Variants in TESC observed in about 807,000 individuals in gnomAD.
The protein encoded by TESC is calcineurin B homologous protein 3.
TESC carries 19 observed loss-of-function variants against 31.0 expected under a neutral mutation model. That is an observed-to-expected ratio of 0.61 (90% CI 0.43 to 0.90). The LOEUF is 0.90. Among genes scored for constraint, TESC ranks in the 40% least tolerant of loss-of-function variants. The pLI, the probability that TESC is intolerant of heterozygous loss-of-function variation, is 0.00. For synonymous variants in TESC, 109 were observed against 114.8 expected (o/e 0.95, Z 0.32); for missense variants, 248 against 303.8 (o/e 0.82, Z 1.36).
intron 4 of TESC, among the ~76,000 whole-genome samples, chr12:117,047,310 C>T (rs1430534805): frequency 6.6e-6 from 1 of 152,228 alleles, no homozygotes; most frequent in Non-Finnish European, 1.5e-5. Flanking sequence ...ACATGGGCAG[C>T]CCCAGGCCTG....
chr12:117,044,908 A>G (rs1954534938), intron 6 of TESC, among the ~76,000 whole-genome samples: 1 of 128,668 alleles, frequency 7.8e-6, no homozygotes, highest in African/African-American at 3.2e-5. Flanking sequence ...GGAAAAAAAG[A>G]AAAAAAAGAG....
chr12:117,094,251 G>A (rs915867539), intron 1 of TESC, among the ~76,000 whole-genome samples: 1 of 152,234 alleles, frequency 6.6e-6, no homozygotes, highest in Non-Finnish European at 1.5e-5. Flanking sequence ...CAGGCAGGGA[G>A]AAGGAAGGTG....
At position 117,065,956 on chromosome 12, in the gene TESC, CAA is replaced by C. The variant is rs544905650; in HGVS notation, c.129-9072_129-9071del. Among the ~76,000 whole-genome samples the C allele has an allele frequency of 3.3e-3, 508 of 152,178 alleles. 4 individuals are homozygous for C. The highest frequency in any genetic ancestry group is 0.012 in the African/African-American group (484 of 41,502). On this transcript the variant is annotated intron_variant, in intron 2 of 7. Transcript: ENST00000335209. ...TTTATTTCAAGGACAAAAGGAAACCCAAGTCATCACTAGGGCAAAGGCAAACC... is the reference window on the plus strand; with the variant it reads ...TTTATTTCAAGGACAAAAGGAAACCCGTCATCACTAGGGCAAAGGCAAACC...
At position 117,075,184 on chromosome 12, in the gene TESC, G is replaced by T. The variant is rs189036402; in HGVS notation, c.128+87C>A. 4,278 of 1,319,526 alleles carry T rather than the reference G, an allele frequency of 3.2e-3. 9 individuals are homozygous for T. The highest frequency in any genetic ancestry group is 4.2e-3 in the Non-Finnish European group (3,992 of 947,276). The allele number at this position is 1,319,526 out of a possible 1,614,324, so 81.7% of individuals were successfully genotyped here. On this transcript the variant is annotated intron_variant, in intron 2 of 7. Coordinates refer to ENST00000335209, the MANE Select transcript of TESC (RefSeq NM_017899.4). ...AAATAAAAAGAAAACAACTACCCCCGCTACTCAGCACTCAAGAAAAGAAAC... is the reference window on the plus strand; with the variant it reads ...AAATAAAAAGAAAACAACTACCCCCTCTACTCAGCACTCAAGAAAAGAAAC...
chr12:117,044,384 C>A (rs1244011188), intron 6 of TESC, among the ~76,000 whole-genome samples: 1 of 152,238 alleles, frequency 6.6e-6, no homozygotes, highest in Non-Finnish European at 1.5e-5. Context: ...CTCACGGGCA[C>A]AGTGGCTGCC....
chr12:117,055,990 G>A (rs1374086959), intron 3 of TESC, among the ~76,000 whole-genome samples: 2 of 144,618 alleles, frequency 1.4e-5, no homozygotes, highest in Admixed American at 7.0e-5. Context: ...GCATAATCTC[G>A]GCTCACTGCA....
At chr12:117,068,691 C>T (rs1272534523) in intron 2 of TESC, among the ~76,000 whole-genome samples, 1 of 152,068 alleles carries the variant, frequency 6.6e-6, no homozygotes, top group African/African-American at 2.4e-5. Context: ...TCCCTGTGTA[C>T]GTCTGTGGTT....
intron 7 of TESC, among the ~76,000 whole-genome samples, chr12:117,041,463 G>C (rs924099721): frequency 1.3e-5 from 2 of 152,120 alleles, no homozygotes; most frequent in Non-Finnish European, 2.9e-5. Context: ...CTCCCGAGTA[G>C]CTGGGATTAC....
intron 7 of TESC, 113 bp from the exon 8 acceptor site, chr12:117,039,323 G>A (rs1247420187): frequency 1.9e-6 from 2 of 1,028,084 alleles, no homozygotes; most frequent in Middle Eastern, 2.1e-4. Context: ...CAACTGTGAT[G>A]TTCCAGGCAG....
chr12:117,054,870 GCT>G (rs1565962426), intron 3 of TESC, among the ~76,000 whole-genome samples: 1 of 152,118 alleles, frequency 6.6e-6, no homozygotes, highest in African/African-American at 2.4e-5. Context: ...GGGCAAACAG[GCT>G]GGCGGGCCTC....
chr12:117,061,025 G>A (rs1205592023), intron 2 of TESC, among the ~76,000 whole-genome samples: 3 of 152,162 alleles, frequency 2.0e-5, no homozygotes, highest in Non-Finnish European at 2.9e-5. Flanking sequence ...TCACACTTGG[G>A]CTCTACCCTA....
intron 1 of TESC, among the ~76,000 whole-genome samples, chr12:117,093,792 T>C (rs903165068): frequency 7.2e-5 from 11 of 152,072 alleles, no homozygotes; most frequent in Non-Finnish European, 1.3e-4. Context: ...TTTTTTTTTT[T>C]TTTTTCCTTT....
intron 1 of TESC, among the ~76,000 whole-genome samples, chr12:117,075,891 A>ATGTGTG (rs1261411652): frequency 4.3e-5 from 3 of 69,124 alleles, no homozygotes; most frequent in African/African-American, 8.4e-5. Context: ...ATATATATAT[A>ATGTGTG]TATATATATA....
At chr12:117,075,869 A>ATATATATATATGTGTGTGTGTGTG (rs1955049402) in intron 1 of TESC, among the ~76,000 whole-genome samples, 1 of 31,442 alleles carries the variant, frequency 3.2e-5, no homozygotes, top group South Asian at 1.8e-3. Flanking sequence ...ATATATATAT[A>ATATATATATATGTGTGTGTGTGTG]TGTGTGTATA....
chr12:117,075,869 A>ATGTG (rs869236765), intron 1 of TESC, among the ~76,000 whole-genome samples: 15 of 31,444 alleles, frequency 4.8e-4, no homozygotes, highest in African/African-American at 1.2e-3. Context: ...ATATATATAT[A>ATGTG]TGTGTGTATA....
At chr12:117,080,828 G>A (rs1955137169) in intron 1 of TESC, among the ~76,000 whole-genome samples, 1 of 152,086 alleles carries the variant, frequency 6.6e-6, no homozygotes, top group South Asian at 2.1e-4. Context: ...AGCACCTGAT[G>A]CATGTCTGCC....
At chr12:117,093,925 C>A (rs570748545) in intron 1 of TESC, among the ~76,000 whole-genome samples, 1 of 152,102 alleles carries the variant, frequency 6.6e-6, no homozygotes, top group African/African-American at 2.4e-5. Flanking sequence ...CTTTCCAACT[C>A]CAGGAGCAGA....
Position 117,055,912 on chromosome 12 carries a change from CT to C in TESC, c.209+893del, listed in dbSNP as rs201228990. On this transcript the variant is annotated intron_variant, in intron 3 of 7. Transcript: ENST00000335209. ...TAAATGCTTTCTAGTTTTCCTTTTC[CT>C]TTTTTTTTTTTTTTTTTTCTTCTGA... Among the ~76,000 whole-genome samples the C allele has an allele frequency of 9.3e-3, 1,295 of 139,914 alleles. 6 individuals are homozygous for C. The highest frequency in any genetic ancestry group is 0.01 in the African/African-American group (382 of 38,124). The allele number at this position is 139,914 out of a possible 152,430, so 91.8% of individuals were successfully genotyped here.
chr12:117,043,214 T>C (rs1450590299), intron 6 of TESC, among the ~76,000 whole-genome samples: 5 of 151,462 alleles, frequency 3.3e-5, no homozygotes, highest in African/African-American at 1.2e-4. Context: ...TTTGCATACA[T>C]CAAAAATAAA....
Sources: gnomAD v4.1 joint callset for allele counts (sites outside exome capture counted in the v4.1 genomes callset) on GRCh38, gnomAD v4.1.1 for gene constraint, MANE v1.5 for transcripts, NCBI Gene and HGNC (gene_info 2026-07-23, HGNC 2026-07-21) for gene names.